Variants in FAM13B observed in about 807,000 individuals in gnomAD.
FAM13B encodes protein FAM13B.
A neutral mutation model predicts 117.3 loss-of-function variants in FAM13B; 60 were observed. The ratio of observed to expected loss-of-function variants is 0.51; its 90% CI spans 0.42 to 0.63. The LOEUF (loss-of-function observed/expected upper bound fraction) is 0.63, where lower values mean the gene tolerates loss of function less well. Ranked by LOEUF, FAM13B falls within the 30% of genes least tolerant of loss-of-function variation. The probability of loss-of-function intolerance (pLI) is 0.00; values close to 1 mark genes in which losing one functional copy is unlikely to be tolerated. For synonymous variants in FAM13B, 332 were observed against 356.1 expected, an observed-to-expected ratio of 0.93 and a Z score of 0.76; for missense variants, 972 against 1,091.9, an observed-to-expected ratio of 0.89 and a Z score of 1.55.
At chr5:138,001,925 A>T (rs1043156876) in intron 7 of FAM13B, among the ~76,000 whole-genome samples, 2 of 152,146 alleles carry the variant, frequency 1.3e-5, no homozygotes, top group African/African-American at 4.8e-5. Context: ...AGAGCAGGCA[A>T]GAGATAAAGG....
rs1763286292 is a variant in FAM13B at position 137,945,916 on chromosome 5, T to C, written c.2326A>G (p.Ile776Val). The change falls in exon 20 of 24, where the codon ATC becomes GTC. Residue 776 changes from isoleucine (I) to valine (V), a missense_variant. Coordinates refer to ENST00000689681, the MANE Select transcript of FAM13B (RefSeq NM_001385994.1). ...LVKQMLTRAS[I>V]TPVLGSPSTK... is the part of the protein sequence containing the mutation. ...ATTTTACTTACAAGGACAGGAGTGA[T>C]GCTAGCTCTTGTCAGCATTTGTTTT... 1.2e-6 allele frequency: 2 copies of C among 1,611,774 alleles called. No individual in the cohort carries two copies.
chr5:138,041,230 C>G (rs1024080904), intron 1 of FAM13B, among the ~76,000 whole-genome samples: 2 of 152,030 alleles, frequency 1.3e-5, no homozygotes, highest in Non-Finnish European at 2.9e-5. Context: ...ATCCAAAATG[C>G]GAGAAGTAAT....
At chr5:137,954,057 TTTTG>T in intron 15 of FAM13B, 105 bp downstream of exon 15, 3 of 572,340 alleles carry the variant, frequency 5.2e-6, no homozygotes, top group Non-Finnish European at 8.7e-6. Context: ...TTTTTTTTTT[TTTTG>T]AGATGGAGTT....
At position 137,974,087 on chromosome 5, in the gene FAM13B, C is replaced by T. The variant is rs921298053; in HGVS notation, c.1179+11170G>A. 4.7e-5 allele frequency among the ~76,000 whole-genome samples: 7 copies of T among 148,558 alleles called. No individual in the cohort carries two copies. The East Asian group carries it at 1.4e-3, about 30-fold the overall frequency. ...CTAGAACTAGAAATACCATTTGACC[C>T]AGCCATCCCATTACTGGGTTTATAC... On this transcript the variant is annotated intron_variant, in intron 10 of 23. Transcript: ENST00000689681.
intron 10 of FAM13B, among the ~76,000 whole-genome samples, chr5:137,977,906 A>C (rs1199947762): frequency 1.3e-5 from 2 of 152,250 alleles, no homozygotes; most frequent in Non-Finnish European, 2.9e-5. Flanking sequence ...ACATATGAAG[A>C]AAAGTAAAAT....
intron 7 of FAM13B, among the ~76,000 whole-genome samples, chr5:137,997,961 T>C (rs1335289022): frequency 6.6e-6 from 1 of 152,216 alleles, no homozygotes; most frequent in Admixed American, 6.5e-5. Flanking sequence ...TGAAACCCAA[T>C]GTCAACAGTA....
chr5:137,985,526 A>C, intron 9 of FAM13B, 137 bp from the exon 10 acceptor site: 2 of 814,676 alleles, frequency 2.5e-6, no homozygotes, highest in Non-Finnish European at 3.7e-6. Flanking sequence ...AAAAATCCAC[A>C]CTTTTATCTT....
At chr5:138,012,680 A>G (rs980310915) in intron 4 of FAM13B, among the ~76,000 whole-genome samples, 1 of 152,158 alleles carries the variant, frequency 6.6e-6, no homozygotes, top group African/African-American at 2.4e-5. Context: ...CCCATTTGGG[A>G]GAAATAAGTG....
intron 2 of FAM13B, among the ~76,000 whole-genome samples, chr5:138,020,468 TG>T (rs1420671134): frequency 6.6e-6 from 1 of 152,178 alleles, no homozygotes; most frequent in Non-Finnish European, 1.5e-5. Context: ...AGTAAAGAAG[TG>T]GGAGAAAACA....
intron 10 of FAM13B, among the ~76,000 whole-genome samples, chr5:137,966,459 TTATATATATATATA>T (rs373885448): frequency 2.0e-5 from 1 of 50,268 alleles, no homozygotes; most frequent in African/African-American, 7.8e-5. Context: ...GAAATAGATT[TTATATATATATATA>T]TATATATATA....
chr5:138,012,347 G>T (rs751358658), intron 4 of FAM13B, among the ~76,000 whole-genome samples: 3 of 151,448 alleles, frequency 2.0e-5, no homozygotes, highest in Non-Finnish European at 4.4e-5. Context: ...AACCACTAGT[G>T]AGCAAAGCAG....
chr5:137,974,975 G>A lies in FAM13B; in HGVS notation c.1179+10282C>T, dbSNP rs141756504. ...TAGTGTCCATAAATTAAATTTTATTGGAACACAGCCATGCTCATTTCTTAC... is the reference window on the plus strand; with the variant it reads ...TAGTGTCCATAAATTAAATTTTATTAGAACACAGCCATGCTCATTTCTTAC... On this transcript the variant is annotated intron_variant, in intron 10 of 23. Coordinates refer to ENST00000689681, the MANE Select transcript of FAM13B (RefSeq NM_001385994.1). Among the ~76,000 whole-genome samples the A allele has an allele frequency of 1.1e-4, 17 of 152,240 alleles. No homozygotes were observed. The East Asian group carries it at 3.1e-3, about 28-fold the overall frequency.
At chr5:137,976,130 G>A (rs542375579) in intron 10 of FAM13B, among the ~76,000 whole-genome samples, 24 of 151,726 alleles carry the variant, frequency 1.6e-4, no homozygotes, top group African/African-American at 2.4e-4. Flanking sequence ...CTAATTTTTC[G>A]TATTTTTGTA....
chr5:138,051,791 C>G (rs1791807972), intron 1 of FAM13B: 1 of 152,168 alleles, frequency 6.6e-6, no homozygotes, highest in African/African-American at 2.4e-5. Flanking sequence ...CTATTTTACT[C>G]TAAAACCTGC....
At chr5:137,980,741 A>G (rs1460043716) in intron 10 of FAM13B, among the ~76,000 whole-genome samples, 3 of 151,720 alleles carry the variant, frequency 2.0e-5, no homozygotes, top group African/African-American at 4.8e-5. Flanking sequence ...CGCCCAGCCT[A>G]ATACACCAAT....
chr5:137,950,652 G>A (rs1261863885), intron 17 of FAM13B, among the ~76,000 whole-genome samples: 1 of 152,112 alleles, frequency 6.6e-6, no homozygotes. Context: ...TCCTGCCTCA[G>A]CCTCCAGAGT....
At position 137,946,447 on chromosome 5, in the gene FAM13B, T is replaced by C. The variant is rs1393708555; in HGVS notation, c.2161-136A>G. 1.5e-5 allele frequency: 9 copies of C among 603,688 alleles called. No individual in the cohort carries two copies. In the East Asian group the frequency reaches 2.7e-4, roughly 18 times the overall value. The allele number at this position is 603,688 out of a possible 1,614,324, so 37.4% of individuals were successfully genotyped here. On this transcript the variant is annotated intron_variant, in intron 18 of 23. Transcript: ENST00000689681. ...TAGAAAGGGCAGACGATCAACAGTC[T>C]AGCCCAGGCCTTTGCTTGCAGATTT...
intron 7 of FAM13B, among the ~76,000 whole-genome samples, chr5:138,003,231 A>T (rs1781719826): frequency 6.6e-6 from 1 of 152,152 alleles, no homozygotes; most frequent in Non-Finnish European, 1.5e-5. Flanking sequence ...ATAGAATATA[A>T]ATTGACCACA....
At chr5:137,945,849 G>T in intron 20 of FAM13B, 53 bp downstream of exon 20, 2 of 1,328,670 alleles carry the variant, frequency 1.5e-6, no homozygotes, top group Non-Finnish European at 2.1e-6. Flanking sequence ...TTTTTTTTGG[G>T]AAGAGTACAT....
Sources: allele counts gnomAD v4.1 joint callset (sites outside exome capture counted in the v4.1 genomes callset), GRCh38; gene constraint gnomAD v4.1.1; transcripts MANE v1.5; gene names NCBI Gene and HGNC (gene_info 2026-07-23, HGNC 2026-07-21).